PPP1R13B: variants seen among roughly 807,000 people sequenced by gnomAD.
PPP1R13B encodes the protein apoptosis-stimulating of p53 protein 1.
In PPP1R13B, 44 loss-of-function variants were observed where a neutral mutation model predicts 119.8. That is an observed-to-expected ratio of 0.37 (90% CI 0.29 to 0.47). The LOEUF (loss-of-function observed/expected upper bound fraction) is 0.47, where lower values mean the gene tolerates loss of function less well. PPP1R13B is among the 20% of genes least tolerant of loss of function. The pLI, the probability that PPP1R13B is intolerant of heterozygous loss-of-function variation, is 0.99. For synonymous variants in PPP1R13B, 542 were observed against 561.5 expected (o/e 0.97, Z 0.49); for missense variants, 1,227 against 1,413.5 (o/e 0.87, Z 2.12).
chr14:103,751,567 C>A (rs574919431), intron 7 of PPP1R13B, among the ~76,000 whole-genome samples: 6 of 152,296 alleles, frequency 3.9e-5, no homozygotes, highest in Admixed American at 6.5e-5. Context: ...TGTTGAAGCC[C>A]TAACCCCATT....
chr14:103,847,040 T>G, intron 1 of PPP1R13B: 1 of 1,058,762 alleles, frequency 9.4e-7, no homozygotes, highest in Non-Finnish European at 1.1e-6. Context: ...CGGCCCCAAA[T>G]GCATCTGCTT....
Position 103,847,423 on chromosome 14 carries a change from C to T in PPP1R13B, c.-116G>A, listed in dbSNP as rs1220044235. The T allele has an allele frequency of 2.0e-5, 20 of 1,023,060 alleles. No homozygotes were observed. The highest frequency in any genetic ancestry group is 2.0e-5 in the Non-Finnish European group (17 of 855,822). 63.4% of individuals were successfully genotyped at this position (1,023,060 alleles called of 1,614,324 possible). A position where few individuals can be genotyped will look rare whatever the true frequency, so the allele number is the denominator to read the frequency against. ...GCGCTCCCGCCGCCGTGCTCTCCGG[C>T]CCGGCCGCGGCGAGGCGGCAGCTGC... On this transcript the variant is annotated 5_prime_UTR_variant, in exon 1 of 17. Transcript: ENST00000202556.
chr14:103,770,950 G>C (rs1230395966), intron 4 of PPP1R13B, among the ~76,000 whole-genome samples: 2 of 152,160 alleles, frequency 1.3e-5, no homozygotes, highest in Admixed American at 1.3e-4. Flanking sequence ...GTGAAGTCTG[G>C]CATTAGGAGG....
At chr14:103,736,422 T>A in intron 15 of PPP1R13B, 1 of 597,462 alleles carries the variant, frequency 1.7e-6, no homozygotes, top group Admixed American at 2.9e-5. Context: ...CCTTTCTAAG[T>A]CCTGCAGGAC....
intron 4 of PPP1R13B, among the ~76,000 whole-genome samples, chr14:103,769,734 G>C (rs1452821876): frequency 1.3e-5 from 2 of 152,172 alleles, no homozygotes; most frequent in Non-Finnish European, 2.9e-5. Context: ...CTGGTTTGAA[G>C]AGTAGGTTTT....
chr14:103,800,580 G>A (rs901935871), intron 1 of PPP1R13B, among the ~76,000 whole-genome samples: 2 of 151,766 alleles, frequency 1.3e-5, no homozygotes, highest in South Asian at 2.1e-4. Context: ...CTTGAACCCC[G>A]GGGGGCAGAG....
At chr14:103,758,627 A>T (rs2151988112) in intron 4 of PPP1R13B, among the ~76,000 whole-genome samples, 1 of 151,824 alleles carries the variant, frequency 6.6e-6, no homozygotes, top group South Asian at 2.1e-4. Flanking sequence ...GTGAGCCCCC[A>T]CTCTGGGTGA....
chr14:103,798,605 A>G (rs1329073912), intron 1 of PPP1R13B, among the ~76,000 whole-genome samples: 1 of 152,220 alleles, frequency 6.6e-6, no homozygotes, highest in Admixed American at 6.5e-5. Flanking sequence ...ATTAGCCAGG[A>G]AAGTGTATTA....
chr14:103,735,345 T>G, intron 16 of PPP1R13B, 150 bp from the exon 17 acceptor site: 1 of 735,030 alleles, frequency 1.4e-6, no homozygotes, highest in Non-Finnish European at 2.4e-6. Context: ...ACCTCTACAC[T>G]GAGACCCACC....
At chr14:103,838,631 G>A (rs1258579632) in intron 1 of PPP1R13B, among the ~76,000 whole-genome samples, 1 of 152,248 alleles carries the variant, frequency 6.6e-6, no homozygotes, top group East Asian at 1.9e-4. Context: ...GACACGGCAG[G>A]GTGAGCACCT....
chr14:103,748,897 C>A (rs1385222649), intron 8 of PPP1R13B, among the ~76,000 whole-genome samples: 2 of 152,168 alleles, frequency 1.3e-5, no homozygotes, highest in African/African-American at 4.8e-5. Flanking sequence ...TAGAAAAAGA[C>A]AAGGTGAGCA....
At chr14:103,813,103 A>G (rs912365108) in intron 1 of PPP1R13B, among the ~76,000 whole-genome samples, 10 of 152,232 alleles carry the variant, frequency 6.6e-5, no homozygotes, top group African/African-American at 2.4e-4. Flanking sequence ...CTGCATGTGA[A>G]TGTTTATGGC....
At chr14:103,790,730 G>C (rs573902309) in intron 2 of PPP1R13B, among the ~76,000 whole-genome samples, 2 of 151,936 alleles carry the variant, frequency 1.3e-5, no homozygotes, top group Non-Finnish European at 2.9e-5. Flanking sequence ...CAGGCTGAGC[G>C]TGGGTGGCTC....
intron 1 of PPP1R13B, among the ~76,000 whole-genome samples, chr14:103,834,908 GA>G (rs2086739933): frequency 6.6e-6 from 1 of 151,718 alleles, no homozygotes; most frequent in Admixed American, 6.6e-5. Flanking sequence ...TGATTTCTAA[GA>G]AAAGCAAACT....
At position 103,738,798 on chromosome 14, in the gene PPP1R13B, G is replaced by T; in HGVS notation, c.2745C>A (p.Ser915Arg). Residue 915 changes from serine to arginine, a missense_variant, in exon 14 of 17, where the codon AGC becomes AGA. Physicochemically the swap from Ser to Arg is moderately radical, Grantham distance 110. Coordinates refer to ENST00000202556, the MANE Select transcript of PPP1R13B (RefSeq NM_015316.3). The surrounding 1 kb of genome is among the most constrained non-coding windows in gnomAD (Gnocchi z 5.6). ...GGGTGATCCCTTCGTCGTTGGGCTT[G>T]CTGGGATCTTCCACCTAGGACACAC... is the stretch of plus-strand genomic sequence containing the variant. Reference protein sequence around the residue: ...QRIIYEVEDPSKPNDEGITPL... With the variant: ...QRIIYEVEDPRKPNDEGITPL... 1 of 1,614,150 alleles carries T rather than the reference G, an allele frequency of 6.2e-7. No individual in the cohort carries two copies. Among genetic ancestry groups the T allele is most frequent in the Non-Finnish European group, 8.5e-7 (1 of 1,180,040 alleles).
chr14:103,777,212 C>T lies in PPP1R13B; in HGVS notation c.354+1533G>A, dbSNP rs766833413. Among the ~76,000 whole-genome samples the T allele has an allele frequency of 5.3e-5, 8 of 152,048 alleles. No homozygotes were observed. In the East Asian group the frequency reaches 5.8e-4, roughly 11 times the overall value. ...TTCACCATATTGGTCAGACTGGTCTCGAACTCCTGACCTCAGGTGATCCAC... is the reference window on the plus strand; with the variant it reads ...TTCACCATATTGGTCAGACTGGTCTTGAACTCCTGACCTCAGGTGATCCAC... On this transcript the variant is annotated intron_variant, in intron 4 of 16. Coordinates refer to ENST00000202556, the MANE Select transcript of PPP1R13B (RefSeq NM_015316.3).
chr14:103,823,967 G>C (rs2086473865), intron 1 of PPP1R13B, among the ~76,000 whole-genome samples: 2 of 150,128 alleles, frequency 1.3e-5, no homozygotes, highest in South Asian at 4.2e-4. Context: ...TCACAATGAG[G>C]CCACATGAAG....
At chr14:103,789,613 A>G (rs2085565054) in intron 2 of PPP1R13B, among the ~76,000 whole-genome samples, 1 of 151,980 alleles carries the variant, frequency 6.6e-6, no homozygotes, top group Non-Finnish European at 1.5e-5. Flanking sequence ...TCCCGGGTTC[A>G]AGCGATTCTC....
At chr14:103,830,086 AT>A (rs201120158) in intron 1 of PPP1R13B, among the ~76,000 whole-genome samples, 1 of 143,020 alleles carries the variant, frequency 7.0e-6, no homozygotes, top group Non-Finnish European at 1.5e-5. Flanking sequence ...CTGTATTTTT[AT>A]TTTTATTTTA....
Sources: allele counts gnomAD v4.1 joint callset (sites outside exome capture counted in the v4.1 genomes callset), GRCh38; gene constraint gnomAD v4.1.1; non-coding constraint Gnocchi (gnomAD v3.1); transcripts MANE v1.5; gene names NCBI Gene and HGNC (gene_info 2026-07-23, HGNC 2026-07-21).